Variants in FAM168A observed in about 807,000 individuals in gnomAD.
FAM168A encodes the protein protein FAM168A.
A neutral mutation model predicts 28.5 loss-of-function variants in FAM168A; 3 were observed. The observed-to-expected ratio is 0.11, with a 90% CI of 0.05 to 0.27. FAM168A has a LOEUF of 0.27. Among genes scored for constraint, FAM168A ranks in the 10% least tolerant of loss-of-function variants. The pLI is 1.00. For missense variants in FAM168A, 222 were observed against 311.5 expected (o/e 0.71, Z 2.16); for synonymous variants, 122 against 124.2 (o/e 0.98, Z 0.12).
In FAM168A at chr11:73,462,015, G is replaced by A. The variant is rs370877979; in HGVS notation, c.70+6390C>T. ...AACTGAAACTTTTATAAACCACAAG[G>A]GAGTATGTAAAATGCTGCAGCCACT... On this transcript the variant is annotated intron_variant, in intron 2 of 7. Coordinates refer to ENST00000356467, the MANE Select transcript of FAM168A (RefSeq NM_015159.3). Among the ~76,000 whole-genome samples, 17 of 152,196 alleles carry A rather than the reference G, an allele frequency of 1.1e-4. No individual in the cohort carries two copies. The East Asian group carries it at 1.7e-3, about 16-fold the overall frequency.
intron 1 of FAM168A, among the ~76,000 whole-genome samples, chr11:73,470,986 A>G (rs1423349693): frequency 6.6e-6 from 1 of 152,178 alleles, no homozygotes; most frequent in Non-Finnish European, 1.5e-5. Context: ...CCTGGGGTAG[A>G]TCATGCCTGG....
At chr11:73,457,739 A>G (rs1444228872) in intron 2 of FAM168A, among the ~76,000 whole-genome samples, 14 of 136,766 alleles carry the variant, frequency 1.0e-4, no homozygotes, top group African/African-American at 2.6e-4. Flanking sequence ...AAAAAAAAAA[A>G]AAAAAAAAAA....
chr11:73,435,690 G>A (rs974285735), intron 2 of FAM168A, among the ~76,000 whole-genome samples: 2 of 152,138 alleles, frequency 1.3e-5, no homozygotes, highest in Admixed American at 1.3e-4. Flanking sequence ...GCTCACACCT[G>A]TAATCTCAAC....
At chr11:73,548,519 G>A (rs1761079653) in intron 1 of FAM168A, among the ~76,000 whole-genome samples, 1 of 152,120 alleles carries the variant, frequency 6.6e-6, no homozygotes, top group Non-Finnish European at 1.5e-5. Context: ...GTGACAACCA[G>A]TTATATCTAC....
chr11:73,509,883 A>G (rs1459938837), intron 1 of FAM168A, among the ~76,000 whole-genome samples: 1 of 151,572 alleles, frequency 6.6e-6, no homozygotes, highest in Admixed American at 6.6e-5. Context: ...AAAGCTCCCA[A>G]CTCTGGGAGG....
At chr11:73,452,620 T>C (rs1867451899) in intron 2 of FAM168A, among the ~76,000 whole-genome samples, 2 of 152,144 alleles carry the variant, frequency 1.3e-5, no homozygotes, top group African/African-American at 2.4e-5. Flanking sequence ...GTTCTGGTCC[T>C]ATACCATGTC....
intron 1 of FAM168A, among the ~76,000 whole-genome samples, chr11:73,557,780 T>C (rs1943907281): frequency 1.3e-5 from 2 of 152,138 alleles, no homozygotes; most frequent in South Asian, 2.1e-4. Flanking sequence ...TATAAAACTA[T>C]GGTAATCGAT....
At position 73,588,609 on chromosome 11, in the gene FAM168A, A is replaced by G. The variant is rs551714705; in HGVS notation, c.-19+9314T>C. ...CGGGAGGCTGAGGTGGCAGGATTAC[A>G]TGACCACGTGAGCCCAGGAAGTTGA... On this transcript the variant is annotated intron_variant, in intron 1 of 7. Transcript: ENST00000356467. Among the ~76,000 whole-genome samples, 3 of 152,200 alleles carry G rather than the reference A, an allele frequency of 2.0e-5. No homozygotes were observed. The South Asian group carries it at 6.2e-4, about 32-fold the overall frequency.
intron 2 of FAM168A, among the ~76,000 whole-genome samples, chr11:73,440,713 A>G (rs941469145): frequency 6.6e-6 from 1 of 152,252 alleles, no homozygotes; most frequent in African/African-American, 2.4e-5. Flanking sequence ...GGGATTACAA[A>G]GTGTTTCTTA....
intron 1 of FAM168A, among the ~76,000 whole-genome samples, chr11:73,559,269 T>C (rs1028272157): frequency 8.5e-5 from 13 of 152,066 alleles, no homozygotes; most frequent in South Asian, 2.1e-4. Flanking sequence ...TAGCTGGTCA[T>C]GGTGGCAGTC....
At chr11:73,526,821 G>C (rs1295548930) in intron 1 of FAM168A, among the ~76,000 whole-genome samples, 1 of 120,488 alleles carries the variant, frequency 8.3e-6, no homozygotes, top group Non-Finnish European at 1.6e-5. Context: ...GGCTTTTGAA[G>C]ATCTCTCCAC....
intron 1 of FAM168A, among the ~76,000 whole-genome samples, chr11:73,557,948 T>C (rs1943909548): frequency 1.3e-5 from 2 of 152,266 alleles, no homozygotes; most frequent in East Asian, 3.9e-4. Context: ...CAACAAATGG[T>C]GCTTGGACAA....
chr11:73,519,715 G>A (rs1033907551), intron 1 of FAM168A, among the ~76,000 whole-genome samples: 37 of 152,120 alleles, frequency 2.4e-4, no homozygotes, highest in African/African-American at 8.7e-4. Context: ...GGAGCTGAGA[G>A]ATGATGAGGA....
chr11:73,453,279 G>C (rs1389307850), intron 2 of FAM168A, among the ~76,000 whole-genome samples: 1 of 152,214 alleles, frequency 6.6e-6, no homozygotes, highest in Non-Finnish European at 1.5e-5. Context: ...AATGGGTGGG[G>C]AAAGGGGTCC....
At chr11:73,528,906 A>C (rs529616696) in intron 1 of FAM168A, among the ~76,000 whole-genome samples, 24 of 152,290 alleles carry the variant, frequency 1.6e-4, no homozygotes, top group African/African-American at 5.3e-4. Context: ...TTCAGCCCCC[A>C]AAAAAGGAAA....
At chr11:73,409,450 G>A (rs1347128454) in intron 6 of FAM168A, 37 bp downstream of exon 6, 3 of 1,609,646 alleles carry the variant, frequency 1.9e-6, no homozygotes, top group African/African-American at 2.7e-5. Context: ...AGTTCCTAGA[G>A]GAAAGGGATG....
chr11:73,595,592 T>C (rs1944433318), intron 1 of FAM168A, among the ~76,000 whole-genome samples: 1 of 152,220 alleles, frequency 6.6e-6, no homozygotes, highest in Non-Finnish European at 1.5e-5. Flanking sequence ...CATAGAACTG[T>C]TTCTCTAAAG....
chr11:73,485,805 G>A (rs1283717723), intron 1 of FAM168A, among the ~76,000 whole-genome samples: 1 of 152,014 alleles, frequency 6.6e-6, no homozygotes, highest in Non-Finnish European at 1.5e-5. Context: ...CAGGCCCAAT[G>A]TGCAAGTCAG....
chr11:73,491,688 T>C (rs1868130238), intron 1 of FAM168A, among the ~76,000 whole-genome samples: 1 of 152,198 alleles, frequency 6.6e-6, no homozygotes, highest in Admixed American at 6.5e-5. Flanking sequence ...CTGACTCTCA[T>C]CTCATACGTG....
Sources: allele counts gnomAD v4.1 joint callset (sites outside exome capture counted in the v4.1 genomes callset), GRCh38; gene constraint gnomAD v4.1.1; transcripts MANE v1.5; gene names NCBI Gene and HGNC (gene_info 2026-07-23, HGNC 2026-07-21).